Variants in POU6F2 observed in about 807,000 individuals in gnomAD.
POU6F2 encodes the protein POU domain, class 6, transcription factor 2.
A neutral mutation model predicts 71.3 loss-of-function variants in POU6F2; 31 were observed. That is an observed-to-expected ratio of 0.43 (90% CI 0.33 to 0.59). The LOEUF (loss-of-function observed/expected upper bound fraction) is 0.59, where lower values mean the gene tolerates loss of function less well. POU6F2 is among the 20% of genes least tolerant of loss of function. The probability of loss-of-function intolerance (pLI) is 0.04; values close to 1 mark genes in which losing one functional copy is unlikely to be tolerated. For synonymous variants in POU6F2, 347 were observed against 355.7 expected (o/e 0.98, Z 0.27); for missense variants, 783 against 856.8 (o/e 0.91, Z 1.07).
At chr7:39,224,611 G>A (rs6462896) in intron 4 of POU6F2, among the ~76,000 whole-genome samples, 95,488 of 152,064 alleles carry the variant, frequency 0.63, 31,033 homozygotes, top group East Asian at 0.97. Flanking sequence ...CTTTACGCCA[G>A]TTAGCAAACT....
At chr7:39,270,530 C>G (rs34328079) in intron 4 of POU6F2, among the ~76,000 whole-genome samples, 8 of 152,104 alleles carry the variant, frequency 5.3e-5, no homozygotes, top group Non-Finnish European at 1.2e-4. Flanking sequence ...TATTTTTAGT[C>G]TCTTCGCTTC....
intron 3 of POU6F2, 134 bp downstream of exon 3, chr7:39,204,460 A>G (rs1249137609): frequency 9.1e-6 from 6 of 659,470 alleles, no homozygotes; most frequent in Non-Finnish European, 1.5e-5. Context: ...TTTCGTATGA[A>G]AAGCTGTATG....
intron 4 of POU6F2, among the ~76,000 whole-genome samples, chr7:39,269,147 A>G (rs1357226620): frequency 6.6e-6 from 1 of 152,072 alleles, no homozygotes; most frequent in Non-Finnish European, 1.5e-5. Context: ...TATTGTTTCA[A>G]TTCAGGCTAG....
In POU6F2 at chr7:39,406,612, C is replaced by T. The variant is rs1171257832; in HGVS notation, c.985C>T (p.Pro329Ser). ...TCTCTCTTTGCAGCTGGTTAATAAT[C>T]CACTAGCAAGTCAGGCTGCAGCGGC... ...PPNPLQLVNN[P>S]LASQAAAAAA... The change falls in exon 6 of 10, where the codon CCA becomes TCA. Residue 329 changes from proline (P) to serine (S), a missense_variant. Pro to Ser is a moderately conservative substitution (Grantham distance 74, BLOSUM62 -1). Around this residue, in one of 2 missense-constraint regions of POU6F2, gnomAD observed 572 missense variants for 572.9 expected, o/e 1.00. Transcript: ENST00000518318. The T allele has an allele frequency of 1.2e-6, 2 of 1,613,332 alleles. No individual in the cohort carries two copies. Among genetic ancestry groups the T allele is most frequent in the Non-Finnish European group, 1.7e-6 (2 of 1,179,842 alleles).
intron 2 of POU6F2, among the ~76,000 whole-genome samples, chr7:39,188,311 C>CT (rs942062600): frequency 3.9e-5 from 6 of 152,032 alleles, no homozygotes; most frequent in African/African-American, 1.2e-4. Flanking sequence ...TGGTCAGAAT[C>CT]TTTTTTTAAA....
chr7:39,308,921 G>C (rs1486808092), intron 4 of POU6F2, among the ~76,000 whole-genome samples: 1 of 152,208 alleles, frequency 6.6e-6, no homozygotes, highest in Non-Finnish European at 1.5e-5. Flanking sequence ...GGGTTCTGAT[G>C]GCCATTTTGG....
intron 1 of POU6F2, among the ~76,000 whole-genome samples, chr7:39,015,093 A>G (rs73381669): frequency 0.023 from 3,475 of 151,804 alleles, 132 homozygotes; most frequent in African/African-American, 0.08. Context: ...CTCTGTTAGA[A>G]TATTCTGTTT....
At chr7:39,054,103 AAAAAAAAG>A (rs748969159) in intron 1 of POU6F2, among the ~76,000 whole-genome samples, 14 of 152,010 alleles carry the variant, frequency 9.2e-5, no homozygotes, top group African/African-American at 1.9e-4. Flanking sequence ...CTCCATCTCC[AAAAAAAAG>A]AAAAAAAGAA....
At chr7:39,276,810 C>T (rs1349087485) in intron 4 of POU6F2, among the ~76,000 whole-genome samples, 2 of 151,242 alleles carry the variant, frequency 1.3e-5, no homozygotes, top group Admixed American at 6.6e-5. Context: ...GGACAAAAAA[C>T]CAAACACCGC....
At chr7:39,297,621 TG>T (rs138955228) in intron 4 of POU6F2, among the ~76,000 whole-genome samples, 3,231 of 152,304 alleles carry the variant, frequency 0.021, 118 homozygotes, top group African/African-American at 0.072. Context: ...TGTGTCTTGA[TG>T]GATATTTCTA....
chr7:39,423,527 A>C (rs1375125973), intron 6 of POU6F2, among the ~76,000 whole-genome samples: 5 of 152,236 alleles, frequency 3.3e-5, no homozygotes, highest in African/African-American at 1.2e-4. Context: ...CAAATGCATG[A>C]ATAAAACAAC....
chr7:39,233,195 T>C lies in POU6F2; in HGVS notation c.598+25575T>C, dbSNP rs549950487. 3.9e-5 allele frequency among the ~76,000 whole-genome samples: 6 copies of C among 152,072 alleles called. No homozygotes were observed. The South Asian group carries it at 1.0e-3, about 26-fold the overall frequency. On this transcript the variant is annotated intron_variant, in intron 4 of 9. Transcript: ENST00000518318. The stretch of plus-strand genomic sequence containing the variant: ...TATTCTAGTGTGAGTAATACAGAGG[T>C]CATAGTTTAGTGAGGAAGGTAGACC...
chr7:39,400,100 G>C lies in POU6F2; in HGVS notation c.973-6500G>C, dbSNP rs117452185. On this transcript the variant is annotated intron_variant, in intron 5 of 9. Transcript: ENST00000518318. ...AGCCTCTCTTCCCTCTCCTTCGTTC[G>C]GGAGTGGGGCTGCAAGTTCTATCCC... Among the ~76,000 whole-genome samples, 853 of 152,230 alleles carry C rather than the reference G, an allele frequency of 5.6e-3. 11 individuals are homozygous for C. The highest frequency in any genetic ancestry group is 0.016 in the African/African-American group (684 of 41,536).
At chr7:39,097,574 A>G (rs1056481183) in intron 2 of POU6F2, among the ~76,000 whole-genome samples, 3 of 152,234 alleles carry the variant, frequency 2.0e-5, no homozygotes, top group Non-Finnish European at 4.4e-5. Context: ...GTGAAAACCC[A>G]TAATTTGCCC....
At chr7:39,290,412 G>T (rs997352405) in intron 4 of POU6F2, among the ~76,000 whole-genome samples, 2 of 152,180 alleles carry the variant, frequency 1.3e-5, no homozygotes, top group African/African-American at 4.8e-5. Flanking sequence ...TACAGAATCT[G>T]TTCTTGAGCT....
At chr7:39,441,091 C>A (rs1275009284) in intron 7 of POU6F2, among the ~76,000 whole-genome samples, 1 of 152,104 alleles carries the variant, frequency 6.6e-6, no homozygotes, top group African/African-American at 2.4e-5. Context: ...CCTCTGACCT[C>A]AAGGGGCACC....
At position 39,398,101 on chromosome 7, in the gene POU6F2, AAG is replaced by A. The variant is rs1182993958; in HGVS notation, c.973-8496_973-8495del. 7.2e-5 allele frequency among the ~76,000 whole-genome samples: 11 copies of A among 152,170 alleles called. No homozygotes were observed. The South Asian group carries it at 1.9e-3, about 26-fold the overall frequency. Reference sequence around the variant, plus strand: ...TTTCTACTCTTTTCTGTAAATATTAAAGAGTGAAGCTCCCACTATGTTCTCAG... The same window carrying A: ...TTTCTACTCTTTTCTGTAAATATTAAAGTGAAGCTCCCACTATGTTCTCAG... On this transcript the variant is annotated intron_variant, in intron 5 of 9. Transcript: ENST00000518318.
At chr7:39,119,641 G>T (rs1405108169) in intron 2 of POU6F2, among the ~76,000 whole-genome samples, 2 of 152,166 alleles carry the variant, frequency 1.3e-5, no homozygotes, top group Non-Finnish European at 2.9e-5. Context: ...GAACTAAAGA[G>T]TGAGGAAGGA....
chr7:39,102,093 A>T (rs578083154), intron 2 of POU6F2, among the ~76,000 whole-genome samples: 1 of 152,198 alleles, frequency 6.6e-6, no homozygotes, highest in Non-Finnish European at 1.5e-5. Flanking sequence ...TCAGAGCAGT[A>T]CATTGTTAGC....
Sources: gnomAD v4.1 joint callset for allele counts (sites outside exome capture counted in the v4.1 genomes callset) on GRCh38, gnomAD v4.1.1 for gene constraint, gnomAD v4.1.1 regional missense constraint, MANE v1.5 for transcripts, NCBI Gene and HGNC (gene_info 2026-07-23, HGNC 2026-07-21) for gene names.